MYO10: variants seen among roughly 807,000 people sequenced by gnomAD.
MYO10 encodes myosin X.
In MYO10, 133 loss-of-function variants were observed where a neutral mutation model predicts 257.3. That is an observed-to-expected ratio of 0.52 (90% confidence interval 0.45 to 0.60). The LOEUF (loss-of-function observed/expected upper bound fraction) is 0.60, where lower values mean the gene tolerates loss of function less well. Among genes scored for constraint, MYO10 ranks in the 20% least tolerant of loss-of-function variants. The pLI, the probability that MYO10 is intolerant of heterozygous loss-of-function variation, is 0.00. For missense variants in MYO10, 2,399 were observed against 2,635.7 expected (o/e 0.91, Z 1.97); for synonymous variants, 1,104 against 1,028.6 (o/e 1.07, Z -1.40).
intron 19 of MYO10, among the ~76,000 whole-genome samples, chr5:16,718,339 C>T (rs1005582779): frequency 1.3e-5 from 2 of 152,242 alleles, no homozygotes; most frequent in Non-Finnish European, 2.9e-5. Context: ...GGAATGCGAG[C>T]GCACGGCGCA....
At chr5:16,700,091 C>T (rs146419852) in intron 25 of MYO10, among the ~76,000 whole-genome samples, 1,551 of 152,212 alleles carry the variant, frequency 0.01, 20 homozygotes, top group African/African-American at 0.034. Flanking sequence ...ATTCAATGCA[C>T]GACCAAAGCG....
At chr5:16,818,434 CTTTG>C (rs776367961) in intron 2 of MYO10, among the ~76,000 whole-genome samples, 62 of 134,156 alleles carry the variant, frequency 4.6e-4, no homozygotes, top group Non-Finnish European at 9.1e-4. Context: ...ATACACATAT[CTTTG>C]TTGTTGTTGT....
At chr5:16,840,444 T>TGAATGAATGAAA (rs111737680) in intron 2 of MYO10, among the ~76,000 whole-genome samples, 1,449 of 100,920 alleles carry the variant, frequency 0.014, 15 homozygotes, top group South Asian at 0.036. Context: ...AATGAATGAA[T>TGAATGAATGAAA]GAAAGAAAGA....
intron 9 of MYO10, among the ~76,000 whole-genome samples, chr5:16,777,705 C>T (rs1337572546): frequency 6.6e-6 from 1 of 152,084 alleles, no homozygotes; most frequent in East Asian, 1.9e-4. Context: ...TACTTCCTAC[C>T]ATCAGAGGGT....
intron 3 of MYO10, among the ~76,000 whole-genome samples, chr5:16,815,879 T>A (rs1307150718): frequency 6.8e-6 from 1 of 146,252 alleles, no homozygotes; most frequent in African/African-American, 2.5e-5. Context: ...GTATAAACAT[T>A]ACCTTTTCTG....
intron 19 of MYO10, among the ~76,000 whole-genome samples, chr5:16,750,767 AAGG>A (rs1740356590): frequency 6.6e-6 from 1 of 152,118 alleles, no homozygotes; most frequent in Non-Finnish European, 1.5e-5. Context: ...AGGCCGAGGC[AAGG>A]AGATCACCTG....
Position 16,702,579 on chromosome 5 carries a change from CTCTCTT to C in MYO10, c.2514_2519del (p.Glu842_Arg843del). Reference sequence around the variant, plus strand: ...GGAGCTCGGCTTCTCTTCGCTCTCTCTCTCTTTCTCTAAAAATAGTAAAGGAAAAGT... The same window carrying C: ...GGAGCTCGGCTTCTCTTCGCTCTCTCTCTCTAAAAATAGTAAAGGAAAAGT... On this transcript the variant is annotated inframe_deletion, in exon 24 of 41. Coordinates refer to ENST00000513610, the MANE Select transcript of MYO10 (RefSeq NM_012334.3). 1 of 1,583,034 alleles carries C rather than the reference CTCTCTT, an allele frequency of 6.3e-7. No homozygotes were observed. Among genetic ancestry groups the C allele is most frequent in the Middle Eastern group, 1.7e-4 (1 of 6,022 alleles).
intron 2 of MYO10, among the ~76,000 whole-genome samples, chr5:16,830,948 G>A (rs186401181): frequency 1.3e-5 from 2 of 152,260 alleles, no homozygotes; most frequent in South Asian, 2.1e-4. Flanking sequence ...GCTGTGAAGG[G>A]CAACAGGAGG....
intron 4 of MYO10, among the ~76,000 whole-genome samples, chr5:16,785,406 T>G (rs976993495): frequency 3.9e-5 from 6 of 152,178 alleles, no homozygotes; most frequent in Non-Finnish European, 7.3e-5. Context: ...TTAAAACATA[T>G]CTATATTGAC....
intron 25 of MYO10, 98 bp from the exon 26 acceptor site, chr5:16,699,671 C>A (rs186375613): frequency 6.6e-7 from 1 of 1,519,574 alleles, no homozygotes; most frequent in Admixed American, 1.7e-5. Context: ...TACAAAAATA[C>A]AGCTACTCAA....
At chr5:16,818,933 ATT>A (rs1742722061) in intron 2 of MYO10, among the ~76,000 whole-genome samples, 1 of 152,230 alleles carries the variant, frequency 6.6e-6, no homozygotes, top group African/African-American at 2.4e-5. Context: ...TTAGAAAGTA[ATT>A]TGGTTTCCCT....
chr5:16,742,144 T>TAA (rs201165770), intron 19 of MYO10: 2 of 985,178 alleles, frequency 2.0e-6, no homozygotes, highest in African/African-American at 3.5e-5. Flanking sequence ...TAATTTTTTT[T>TAA]TAAAAAAAGT....
In MYO10 at chr5:16,728,341, A is replaced by G. The variant is rs6864209; in HGVS notation, c.1930-17096T>C. Among the ~76,000 whole-genome samples the G allele has an allele frequency of 7.1e-3, 1,081 of 152,234 alleles. 14 individuals carry two copies. Among genetic ancestry groups the G allele is most frequent in the African/African-American group, 0.024 (1,001 of 41,552 alleles). ...TGGGGAAACCCTGTAGGCAGATCCC[A>G]AACTTCAGGCCACACACCAGCTTGC... On this transcript the variant is annotated intron_variant, in intron 19 of 40. Coordinates refer to ENST00000513610, the MANE Select transcript of MYO10 (RefSeq NM_012334.3).
rs575534851 is a variant in MYO10 at position 16,821,556 on chromosome 5, TC to T, written c.121-3390del. Among the ~76,000 whole-genome samples, 88 of 140,482 alleles carry T rather than the reference TC, an allele frequency of 6.3e-4. 1 individual carries two copies. Among genetic ancestry groups the T allele is most frequent in the Non-Finnish European group, 1.1e-3 (75 of 65,732 alleles). The allele number at this position is 140,482 out of a possible 152,430, so 92.2% of individuals were successfully genotyped here. On this transcript the variant is annotated intron_variant, in intron 2 of 40. Coordinates refer to ENST00000513610, the MANE Select transcript of MYO10 (RefSeq NM_012334.3). ...ATCTTGGCTCACTGCAACCTCCACC[TC>T]CCAGGTTTATGCCATTCTCCTGCAT...
chr5:16,668,590 G>T, intron 39 of MYO10, 122 bp from the exon 40 acceptor site: 1 of 680,466 alleles, frequency 1.5e-6, no homozygotes, highest in Non-Finnish European at 2.3e-6. Flanking sequence ...TATTCGATGT[G>T]CATGCATGCA....
chr5:16,818,007 A>T lies in MYO10; in HGVS notation c.279+2T>A. The T allele has an allele frequency of 6.5e-7, 1 of 1,539,434 alleles. No homozygotes were observed. The highest frequency in any genetic ancestry group is 8.8e-7 in the Non-Finnish European group (1 of 1,133,076). On this transcript the variant is annotated splice_donor_variant, in intron 3 of 40. Coordinates refer to ENST00000513610, the MANE Select transcript of MYO10 (RefSeq NM_012334.3). LOFTEE classifies it high-confidence loss of function. The stretch of plus-strand genomic sequence containing the variant: ...TTTAAAGGAATTACAAGTGGAACTT[A>T]CATATATTTGATTTCTCTTATACCG...
At chr5:16,677,455 G>A (rs750802530) in intron 33 of MYO10, among the ~76,000 whole-genome samples, 5 of 122,392 alleles carry the variant, frequency 4.1e-5, no homozygotes, top group Non-Finnish European at 6.6e-5. Context: ...TTGCTCTTTC[G>A]CCCAGGCCGG....
intron 3 of MYO10, among the ~76,000 whole-genome samples, chr5:16,804,845 G>A (rs1474884715): frequency 6.6e-6 from 1 of 152,130 alleles, no homozygotes; most frequent in Non-Finnish European, 1.5e-5. Flanking sequence ...AGCCTGGGGA[G>A]GTCAAGGCTG....
rs138241226 is a variant in MYO10 at position 16,900,182 on chromosome 5, G to A, written c.22-22475C>T. Among the ~76,000 whole-genome samples the A allele has an allele frequency of 6.3e-3, 963 of 152,148 alleles. 5 individuals carry two copies. The highest frequency in any genetic ancestry group is 0.011 in the Non-Finnish European group (726 of 68,032). ...TCTTGAACACTGAATTGCACAGGTC[G>A]GTTCCTTATTTAAGTTATTGGTCGT... On this transcript the variant is annotated intron_variant, in intron 1 of 40. Coordinates refer to ENST00000513610, the MANE Select transcript of MYO10 (RefSeq NM_012334.3).
Sources: gnomAD v4.1 joint callset for allele counts (sites outside exome capture counted in the v4.1 genomes callset) on GRCh38, gnomAD v4.1.1 for gene constraint, MANE v1.5 for transcripts, NCBI Gene and HGNC (gene_info 2026-07-23, HGNC 2026-07-21) for gene names.